The following ZNRF1 variants were observed in gnomAD, a reference collection of about 807,000 sequenced individuals.
ZNRF1 encodes E3 ubiquitin-protein ligase ZNRF1.
Under a neutral mutation model 18.4 loss-of-function variants are expected in ZNRF1, and 3 were observed. The ratio of observed to expected loss-of-function variants is 0.16; its 90% CI spans 0.07 to 0.42. The LOEUF is 0.42. Ranked by LOEUF, ZNRF1 falls within the 10% of genes least tolerant of loss-of-function variation. The pLI is 0.99. For missense variants in ZNRF1, 310 were observed against 329.8 expected (o/e 0.94, Z 0.47); for synonymous variants, 157 against 144.2 (o/e 1.09, Z -0.64).
At chr16:75,047,746 A>G (rs138107010) in intron 1 of ZNRF1, among the ~76,000 whole-genome samples, 23 of 152,116 alleles carry the variant, frequency 1.5e-4, no homozygotes, top group Admixed American at 4.6e-4. Context: ...CTACCATGTT[A>G]CTTTGCTAGG....
intron 1 of ZNRF1, among the ~76,000 whole-genome samples, chr16:75,048,326 C>T (rs1390934265): frequency 6.6e-6 from 1 of 152,120 alleles, no homozygotes; most frequent in Admixed American, 6.5e-5. Context: ...TACTTAATTA[C>T]TTCTTTACAG....
At chr16:75,100,050 A>G (rs964837499) in intron 2 of ZNRF1, among the ~76,000 whole-genome samples, 2 of 152,126 alleles carry the variant, frequency 1.3e-5, no homozygotes, top group Non-Finnish European at 1.5e-5. Context: ...CTGTGTGGGC[A>G]CTGCTGGCTT....
intron 1 of ZNRF1, among the ~76,000 whole-genome samples, chr16:75,041,889 G>A (rs560928501): frequency 1.3e-5 from 2 of 151,922 alleles, no homozygotes; most frequent in South Asian, 2.1e-4. Flanking sequence ...CCAGCTACTC[G>A]GGAGCCTGAG....
intron 1 of ZNRF1, among the ~76,000 whole-genome samples, chr16:75,050,157 A>G (rs902457099): frequency 1.3e-5 from 2 of 152,188 alleles, no homozygotes; most frequent in Non-Finnish European, 2.9e-5. Flanking sequence ...TCAATAGTCT[A>G]TTCCTTTTTA....
At chr16:75,022,359 C>T (rs1219144024) in intron 1 of ZNRF1, among the ~76,000 whole-genome samples, 6 of 151,588 alleles carry the variant, frequency 4.0e-5, no homozygotes, top group Admixed American at 2.0e-4. Context: ...GTCAGGAGAT[C>T]GAGACCATCC....
chr16:75,034,850 C>G (rs1343125506), intron 1 of ZNRF1, among the ~76,000 whole-genome samples: 3 of 152,052 alleles, frequency 2.0e-5, no homozygotes, highest in African/African-American at 7.2e-5. Context: ...TGGTCTCAAA[C>G]TCCTGGCCTC....
rs1194037187 is a variant in ZNRF1 at position 75,048,710 on chromosome 16, C to A, written c.425-44862C>A. 4.6e-5 allele frequency among the ~76,000 whole-genome samples: 7 copies of A among 152,220 alleles called. No individual in the cohort carries two copies. The East Asian group carries it at 1.4e-3, about 29-fold the overall frequency. On this transcript the variant is annotated intron_variant, in intron 1 of 4. Coordinates refer to ENST00000335325, the MANE Select transcript of ZNRF1 (RefSeq NM_032268.5). ...TGCACAGATGATGATGTGTCCTTCC[C>A]ACTGCATCCTATCAGGAAGCTCATG...
chr16:75,016,618 G>T (rs536312379), intron 1 of ZNRF1, among the ~76,000 whole-genome samples: 1 of 146,866 alleles, frequency 6.8e-6, no homozygotes, highest in South Asian at 2.2e-4. Flanking sequence ...TGACTGCAAC[G>T]TCTGCCTCCC....
intron 2 of ZNRF1, 144 bp from the exon 3 acceptor site, chr16:75,104,640 C>T (rs1473819881): frequency 4.9e-6 from 3 of 609,974 alleles, no homozygotes; most frequent in Non-Finnish European, 8.7e-6. Context: ...GGTCAACGTC[C>T]CTCTTGGGGT....
intron 1 of ZNRF1, among the ~76,000 whole-genome samples, chr16:75,080,167 T>C (rs1400347440): frequency 6.6e-6 from 1 of 152,138 alleles, no homozygotes; most frequent in African/African-American, 2.4e-5. Context: ...CTGCCCACCT[T>C]GGCCTCCCAA....
At chr16:75,041,422 T>G (rs1419596563) in intron 1 of ZNRF1, among the ~76,000 whole-genome samples, 1 of 152,120 alleles carries the variant, frequency 6.6e-6, no homozygotes, top group Non-Finnish European at 1.5e-5. Flanking sequence ...CTCTGCCTCC[T>G]GGGTTCAAGT....
intron 1 of ZNRF1, among the ~76,000 whole-genome samples, chr16:75,078,987 G>C (rs1041291687): frequency 6.6e-6 from 1 of 152,112 alleles, no homozygotes; most frequent in Non-Finnish European, 1.5e-5. Flanking sequence ...TACCATGTTG[G>C]AGCCTCCTCC....
Position 75,098,405 on chromosome 16 carries a change from C to T in ZNRF1, c.520+4738C>T, listed in dbSNP as rs548694067. Among the ~76,000 whole-genome samples, 9 of 152,302 alleles carry T rather than the reference C, an allele frequency of 5.9e-5. 1 individual carries two copies. Among genetic ancestry groups the T allele is most frequent in the African/African-American group, 2.2e-4 (9 of 41,554 alleles). ...CCCACTATCCTCATTGCGGGTGGCCCAGCTCACCAAAACAATTGCATTGCA... is the reference window on the plus strand; with the variant it reads ...CCCACTATCCTCATTGCGGGTGGCCTAGCTCACCAAAACAATTGCATTGCA... On this transcript the variant is annotated intron_variant, in intron 2 of 4. Transcript: ENST00000335325.
At chr16:75,034,664 G>T (rs546281155) in intron 1 of ZNRF1, among the ~76,000 whole-genome samples, 1 of 152,100 alleles carries the variant, frequency 6.6e-6, no homozygotes, top group Non-Finnish European at 1.5e-5. Flanking sequence ...GCCTGGCTCC[G>T]TTACCCAGTC....
At chr16:75,009,135 C>G (rs1032473882) in intron 1 of ZNRF1, among the ~76,000 whole-genome samples, 1 of 152,194 alleles carries the variant, frequency 6.6e-6, no homozygotes, top group African/African-American at 2.4e-5. Flanking sequence ...AAATCTGTCT[C>G]TGTAAAATTT....
At chr16:75,003,145 A>G (rs1031309255) in intron 1 of ZNRF1, among the ~76,000 whole-genome samples, 2 of 152,154 alleles carry the variant, frequency 1.3e-5, no homozygotes, top group African/African-American at 2.4e-5. Context: ...TGTTTTTTGT[A>G]GAGACGGGAT....
intron 1 of ZNRF1, among the ~76,000 whole-genome samples, chr16:75,002,035 C>T (rs748353812): frequency 7.2e-5 from 11 of 152,112 alleles, no homozygotes; most frequent in Non-Finnish European, 1.6e-4. Context: ...CTGTGTAGGA[C>T]CATCATGTCC....
chr16:75,108,820 TC>T lies in ZNRF1; in HGVS notation c.*1121del, dbSNP rs1442820364. 1 of 348,908 alleles carries T rather than the reference TC, an allele frequency of 2.9e-6. No individual in the cohort carries two copies. The highest frequency in any genetic ancestry group is 2.1e-5 in the African/African-American group (1 of 47,714). 21.6% of individuals were successfully genotyped at this position (348,908 alleles called of 1,614,324 possible). ...CCTTAGCATTCCTTCAGGCTGCTACTCGGGGCTCCAGGTGTGTGAATTGGTC... is the reference window on the plus strand; with the variant it reads ...CCTTAGCATTCCTTCAGGCTGCTACTGGGGCTCCAGGTGTGTGAATTGGTC... On this transcript the variant is annotated 3_prime_UTR_variant, in exon 5 of 5. Coordinates refer to ENST00000335325, the MANE Select transcript of ZNRF1 (RefSeq NM_032268.5).
intron 1 of ZNRF1, among the ~76,000 whole-genome samples, chr16:75,074,606 C>T (rs1486110425): frequency 6.6e-6 from 1 of 152,054 alleles, no homozygotes; most frequent in African/African-American, 2.4e-5. Context: ...TTAATTACAC[C>T]AAGACGACAC....
Sources: gnomAD v4.1 joint callset for allele counts (sites outside exome capture counted in the v4.1 genomes callset) on GRCh38, gnomAD v4.1.1 for gene constraint, MANE v1.5 for transcripts, NCBI Gene and HGNC (gene_info 2026-07-23, HGNC 2026-07-21) for gene names.